The following KIFC3 variants were observed in gnomAD, a reference collection of about 807,000 sequenced individuals.
The protein encoded by KIFC3 is kinesin-like protein KIFC3.
In KIFC3, 60 loss-of-function variants were observed where a neutral mutation model predicts 101.8. That is an observed-to-expected ratio of 0.59 (90% confidence interval 0.48 to 0.73). The LOEUF is 0.73. Among genes scored for constraint, KIFC3 ranks in the 30% least tolerant of loss-of-function variants. The probability of loss-of-function intolerance (pLI) is 0.00; values close to 1 mark genes in which losing one functional copy is unlikely to be tolerated. For synonymous variants in KIFC3, 476 were observed against 482.7 expected, an observed-to-expected ratio of 0.99 and a Z score of 0.18; for missense variants, 966 against 1,137.1, an observed-to-expected ratio of 0.85 and a Z score of 2.16.
In KIFC3 at chr16:57,759,798, C is replaced by A. The variant is rs2049603965; in HGVS notation, c.2406G>T (p.Arg802=). The change falls in exon 18 of 20, where the codon CGG becomes CGT. Residue 802 remains arginine, a synonymous_variant. Transcript: ENST00000445690. ...PACQTPQPSA[R]AHSAPSSGTS... is the part of the protein sequence containing the mutation. Reference sequence around the variant, plus strand: ...TCCCAGAGCTGGGGGCTGAGTGGGCCCGTGCCGAGGGCTGTGGCGTCTGAC... The same window carrying A: ...TCCCAGAGCTGGGGGCTGAGTGGGCACGTGCCGAGGGCTGTGGCGTCTGAC... 6.2e-7 allele frequency: 1 copy of A among 1,610,926 alleles called. No homozygotes were observed. Among genetic ancestry groups the A allele is most frequent in the Non-Finnish European group, 8.5e-7 (1 of 1,178,880 alleles).
At chr16:57,833,689 G>A (rs567137925) in intron 1 of KIFC3, among the ~76,000 whole-genome samples, 8 of 152,208 alleles carry the variant, frequency 5.3e-5, no homozygotes, top group Admixed American at 2.6e-4. Context: ...GTTTCCCATC[G>A]TGGTGATGTG....
chr16:57,764,979 T>TTGGGAGTGGGCAGGGCCATGCAG (rs2050307718), intron 11 of KIFC3, among the ~76,000 whole-genome samples: 1 of 148,858 alleles, frequency 6.7e-6, no homozygotes, highest in Non-Finnish European at 1.5e-5. Flanking sequence ...AGGAGGGGCC[T>TTGGGAGTGGGCAGGGCCATGCAG]TGGGAGTGGG....
intron 1 of KIFC3, among the ~76,000 whole-genome samples, chr16:57,812,564 T>C (rs1382552019): frequency 6.6e-6 from 1 of 152,074 alleles, no homozygotes; most frequent in Non-Finnish European, 1.5e-5. Context: ...GTGCTTGCCT[T>C]CCTCAGAGCG....
intron 10 of KIFC3, among the ~76,000 whole-genome samples, chr16:57,766,041 G>T (rs953999622): frequency 1.3e-5 from 2 of 152,206 alleles, no homozygotes; most frequent in Non-Finnish European, 2.9e-5. Flanking sequence ...GGCAGGACAG[G>T]GCTTAGGAAT....
intron 3 of KIFC3, among the ~76,000 whole-genome samples, chr16:57,785,165 A>G (rs1399712629): frequency 8.5e-5 from 13 of 152,144 alleles, no homozygotes; most frequent in Admixed American, 6.5e-4. Context: ...ACTCACATCT[A>G]CGTCACCTCC....
intron 3 of KIFC3, chr16:57,776,311 T>C (rs1598010073): frequency 2.0e-6 from 2 of 985,348 alleles, no homozygotes; most frequent in African/African-American, 1.7e-5. Context: ...ACAGAAGGCC[T>C]GATCCTGGCT....
At chr16:57,844,453 A>AC in intron 1 of KIFC3, among the ~76,000 whole-genome samples, 1 of 147,886 alleles carries the variant, frequency 6.8e-6, no homozygotes, top group Non-Finnish European at 1.5e-5. Context: ...AAAAAAAAAA[A>AC]GGCAGCGTAA....
intron 3 of KIFC3, 131 bp from the exon 4 acceptor site, chr16:57,772,419 C>T: frequency 1.4e-6 from 1 of 704,504 alleles, no homozygotes; most frequent in Middle Eastern, 2.6e-4. Context: ...TTAGGTTCCC[C>T]TATGTTCAAG....
chr16:57,797,959 A>G, intron 2 of KIFC3, 113 bp downstream of exon 2: 2 of 1,543,314 alleles, frequency 1.3e-6, no homozygotes, highest in Admixed American at 4.0e-5. Flanking sequence ...GTTACCCTGT[A>G]ATTACCTGAC....
At chr16:57,761,223 G>A in intron 14 of KIFC3, 52 bp from the exon 15 acceptor site, 9 of 1,604,872 alleles carry the variant, frequency 5.6e-6, no homozygotes, top group Non-Finnish European at 6.8e-6. Flanking sequence ...GGGGTCCTCA[G>A]AGTCACCTGG....
chr16:57,768,134 T>C (rs1386459488), intron 9 of KIFC3, among the ~76,000 whole-genome samples: 1 of 152,142 alleles, frequency 6.6e-6, no homozygotes. Flanking sequence ...AAAACCAGCC[T>C]GGCCAACATG....
At chr16:57,836,242 A>G (rs2967135) in intron 1 of KIFC3, among the ~76,000 whole-genome samples, 25,186 of 152,090 alleles carry the variant, frequency 0.17, 2,288 homozygotes, top group Middle Eastern at 0.23. Context: ...AGGCTCCCAA[A>G]TAGGTGGGAC....
chr16:57,825,791 C>T (rs2055446066), intron 1 of KIFC3, among the ~76,000 whole-genome samples: 1 of 152,180 alleles, frequency 6.6e-6, no homozygotes, highest in African/African-American at 2.4e-5. Flanking sequence ...AATCTTTCCA[C>T]CTCTCAGCCT....
chr16:57,785,869 C>A (rs572478634), intron 3 of KIFC3, among the ~76,000 whole-genome samples: 3 of 152,218 alleles, frequency 2.0e-5, no homozygotes, highest in South Asian at 2.1e-4. Flanking sequence ...CTTCCCCAGG[C>A]AGCATCTGGG....
At chr16:57,797,877 C>G in intron 2 of KIFC3, 195 bp downstream of exon 2, 3 of 1,461,898 alleles carry the variant, frequency 2.1e-6, no homozygotes, top group Non-Finnish European at 2.7e-6. Flanking sequence ...CTTTTCCAGA[C>G]AGGGGCGCAG....
At chr16:57,764,350 ACAC>A (rs1350201730) in intron 11 of KIFC3, 103 bp from the exon 12 acceptor site, 19 of 664,184 alleles carry the variant, frequency 2.9e-5, no homozygotes, top group Middle Eastern at 4.0e-4. Context: ...TCCTTCAGCA[ACAC>A]CACATCACGT....
chr16:57,848,645 A>T (rs1370703715), intron 1 of KIFC3, among the ~76,000 whole-genome samples: 6 of 152,186 alleles, frequency 3.9e-5, no homozygotes, highest in African/African-American at 1.4e-4. Flanking sequence ...TAAAATTAAA[A>T]GACGCCCATA....
rs933989768 is a variant in KIFC3 at position 57,785,529 on chromosome 16, G to A, written c.315+9470C>T. ...TCGCGGAGGGCCAGCCTCTCCTGTA[G>A]GACCACCAGCTCCTCCTGTAGCTGG... On this transcript the variant is annotated intron_variant, in intron 3 of 19. Transcript: ENST00000445690. The A allele has an allele frequency of 1.9e-5, 24 of 1,289,322 alleles. No individual in the cohort carries two copies. The African/African-American group carries it at 3.3e-4, about 18-fold the overall frequency. 79.9% of individuals were successfully genotyped at this position (1,289,322 alleles called of 1,614,324 possible).
Position 57,774,971 on chromosome 16 carries a change from C to T in KIFC3, c.316-2683G>A, listed in dbSNP as rs543759282. ...GCTGCTGCCTCAGCATGGGGCTGGGCGCACTAACCTTGATCATCTCCACTG... is the reference window on the plus strand; with the variant it reads ...GCTGCTGCCTCAGCATGGGGCTGGGTGCACTAACCTTGATCATCTCCACTG... On this transcript the variant is annotated intron_variant, in intron 3 of 19. Transcript: ENST00000445690. 35 of 1,532,312 alleles carry T rather than the reference C, an allele frequency of 2.3e-5. No individual in the cohort carries two copies. The East Asian group carries it at 2.5e-4, about 11-fold the overall frequency. 94.9% of individuals were successfully genotyped at this position (1,532,312 alleles called of 1,614,324 possible).
Sources: gnomAD v4.1 joint callset for allele counts (sites outside exome capture counted in the v4.1 genomes callset) on GRCh38, gnomAD v4.1.1 for gene constraint, MANE v1.5 for transcripts, NCBI Gene and HGNC (gene_info 2026-07-23, HGNC 2026-07-21) for gene names.